Variants in RAB33A observed in about 807,000 individuals in gnomAD.
The protein encoded by RAB33A is RAB33A, member RAS oncogene family, also known as ras-related protein Rab-33A.
Under a neutral mutation model 12.0 loss-of-function variants are expected in RAB33A, and 6 were observed. That is an observed-to-expected ratio of 0.50 (90% confidence interval 0.27 to 0.99). RAB33A has a LOEUF of 0.99. Among genes scored for constraint, RAB33A ranks in the 50% least tolerant of loss-of-function variants. The pLI is 0.11. For synonymous variants in RAB33A, 70 were observed against 82.4 expected, an observed-to-expected ratio of 0.85 and a Z score of 0.81; for missense variants, 109 against 192.0, an observed-to-expected ratio of 0.57 and a Z score of 2.55.
chrX:130,180,681 C>A (rs1489116579), intron 1 of RAB33A, among the ~76,000 whole-genome samples: 4 of 104,320 alleles, frequency 3.8e-5, no homozygotes, highest in Non-Finnish European at 7.9e-5. Context: ...TGGTCTCGAT[C>A]TCCTGATCTC....
At chrX:130,163,884 G>T in the RAB33A span, among the ~76,000 whole-genome samples, 8 of 108,547 alleles carry the variant, frequency 7.4e-5, no homozygotes, top group Non-Finnish European at 1.1e-4. Context: ...CGCCGGGCGC[G>T]GTGGCTCACG....
chrX:130,126,245 CT>C, the RAB33A span, among the ~76,000 whole-genome samples: 2 of 111,963 alleles, frequency 1.8e-5, no homozygotes, highest in Non-Finnish European at 3.8e-5. Context: ...AATCTCAGCA[CT>C]TTGGGAGGCC....
At chrX:130,126,427 G>C in the RAB33A span, among the ~76,000 whole-genome samples, 15 of 109,976 alleles carry the variant, frequency 1.4e-4, no homozygotes, top group Non-Finnish European at 2.5e-4. Flanking sequence ...AGGAGGTGGA[G>C]GTTGCAGTGA....
In RAB33A at chrX:130,184,371, C is replaced by T; in HGVS notation, c.345C>T (p.Phe115=). Residue 115 remains phenylalanine, a synonymous_variant, in exon 2 of 2, where the codon TTC becomes TTT. Transcript: ENST00000257017. ...ACCGCAACGTACATGCCGTGGTCTT[C>T]GTCTATGACGTCACCAAGATGACAT... is the stretch of plus-strand genomic sequence containing the variant. ...HYYRNVHAVV[F]VYDVTKMTSF... 4.1e-6 allele frequency: 5 copies of T among 1,211,397 alleles called. No homozygotes were observed. Among genetic ancestry groups the T allele is most frequent in the Non-Finnish European group, 5.6e-6 (5 of 895,234 alleles).
At chrX:130,151,911 C>T in the RAB33A span, among the ~76,000 whole-genome samples, 1 of 109,814 alleles carries the variant, frequency 9.1e-6, no homozygotes, top group Non-Finnish European at 1.9e-5. Context: ...TGGTGGGGCA[C>T]GCCTGTAATC....
the RAB33A span, among the ~76,000 whole-genome samples, chrX:130,139,404 A>C: frequency 9.0e-6 from 1 of 111,539 alleles, no homozygotes; most frequent in East Asian, 2.8e-4. Context: ...CAGTGTTAAG[A>C]AGCAGAACAC....
chrX:130,183,951 G>A (rs112944306), intron 1 of RAB33A, among the ~76,000 whole-genome samples: 9 of 111,416 alleles, frequency 8.1e-5, no homozygotes, highest in African/African-American at 2.6e-4. Context: ...GTGCAATGGC[G>A]TGATCTCGGC....
At chrX:130,118,360 C>A in the RAB33A span, among the ~76,000 whole-genome samples, 2 of 112,590 alleles carry the variant, frequency 1.8e-5, no homozygotes, top group East Asian at 5.6e-4. Context: ...TCCCAAGGGG[C>A]AGGCCTGGGC....
At chrX:130,114,423 C>T in the RAB33A span, among the ~76,000 whole-genome samples, 16 of 112,367 alleles carry the variant, frequency 1.4e-4, no homozygotes, top group Admixed American at 1.0e-3. Context: ...CTTCCCCACA[C>T]GGCTCGCCGC....
At chrX:130,127,798 T>C in the RAB33A span, among the ~76,000 whole-genome samples, 2 of 103,784 alleles carry the variant, frequency 1.9e-5, no homozygotes, top group Admixed American at 1.1e-4. Context: ...CAAGCAATTC[T>C]CCTGTCTCAG....
At chrX:130,174,648 C>T (rs768964856) in intron 1 of RAB33A, among the ~76,000 whole-genome samples, 1 of 111,956 alleles carries the variant, frequency 8.9e-6, no homozygotes, top group African/African-American at 3.2e-5. Context: ...TGGCCTAGAC[C>T]ATGGCCAGCA....
chrX:130,157,897 G>A, the RAB33A span, among the ~76,000 whole-genome samples: 1 of 104,507 alleles, frequency 9.6e-6, no homozygotes, highest in African/African-American at 3.5e-5. Flanking sequence ...GGAGGTTGCA[G>A]TGAGCCGAGA....
chrX:130,167,256 G>T (rs1381805746), upstream of RAB33A, among the ~76,000 whole-genome samples: 3 of 112,949 alleles, frequency 2.7e-5, no homozygotes, highest in Non-Finnish European at 5.6e-5. Context: ...ACCTGGGCAA[G>T]TCACTTAATT....
intron 1 of RAB33A, among the ~76,000 whole-genome samples, chrX:130,183,504 G>A (rs866838549): frequency 4.1e-4 from 45 of 109,518 alleles, no homozygotes; most frequent in African/African-American, 1.4e-3. Context: ...GCAGTGAGCC[G>A]AGATGGCGCC....
At chrX:130,155,392 G>A in the RAB33A span, 89 of 998,239 alleles carry the variant, frequency 8.9e-5, no homozygotes, top group Non-Finnish European at 1.2e-4. Flanking sequence ...TGGTTACCCT[G>A]TGCTAAAAAA....
chrX:130,160,721 T>C, the RAB33A span, among the ~76,000 whole-genome samples: 23 of 110,829 alleles, frequency 2.1e-4, no homozygotes, highest in African/African-American at 9.9e-5. Context: ...CCCGGATAAC[T>C]GAACATTTTA....
At chrX:130,137,278 C>T in the RAB33A span, 7 of 1,202,139 alleles carry the variant, frequency 5.8e-6, no homozygotes, top group Non-Finnish European at 7.8e-6. Flanking sequence ...GCAGCCCTCA[C>T]TACAGACAGG....
At chrX:130,136,197 A>G in the RAB33A span, 1 of 1,211,691 alleles carries the variant, frequency 8.3e-7, no homozygotes, top group Admixed American at 2.2e-5. Flanking sequence ...TGAGGCAAAA[A>G]AGAAATAATT....
the RAB33A span, among the ~76,000 whole-genome samples, chrX:130,147,087 G>A: frequency 9.0e-5 from 10 of 111,538 alleles, no homozygotes; most frequent in Non-Finnish European, 1.5e-4. Context: ...GCTTGAACCC[G>A]GGAGGTGGAG....
Sources: gnomAD v4.1 joint callset for allele counts (sites outside exome capture counted in the v4.1 genomes callset) on GRCh38, gnomAD v4.1.1 for gene constraint, MANE v1.5 for transcripts, NCBI Gene and HGNC (gene_info 2026-07-23, HGNC 2026-07-21) for gene names.